MACROD1: variants seen among roughly 807,000 people sequenced by gnomAD.
MACROD1 encodes mono-ADP ribosylhydrolase 1, also known as ADP-ribose glycohydrolase MACROD1.
In MACROD1, 31 loss-of-function variants were observed where a neutral mutation model predicts 41.4. The ratio of observed to expected loss-of-function variants is 0.75; its 90% CI spans 0.56 to 1.01. MACROD1 has a LOEUF of 1.01. Among genes scored for constraint, MACROD1 ranks in the 50% least tolerant of loss-of-function variants. The probability of loss-of-function intolerance (pLI) is 0.00; values close to 1 mark genes in which losing one functional copy is unlikely to be tolerated. For missense variants in MACROD1, 473 were observed against 460.0 expected, an observed-to-expected ratio of 1.03 and a Z score of -0.26; for synonymous variants, 252 against 203.4, an observed-to-expected ratio of 1.24 and a Z score of -2.03.
chr11:64,010,853 TGTTG>T (rs1180159497), intron 4 of MACROD1, among the ~76,000 whole-genome samples: 1 of 137,462 alleles, frequency 7.3e-6, no homozygotes, highest in African/African-American at 3.0e-5. Flanking sequence ...TTGGCTGGAG[TGTTG>T]GTTGGGGTGT....
At chr11:64,095,189 C>T (rs1199105487) in intron 3 of MACROD1, among the ~76,000 whole-genome samples, 1 of 152,216 alleles carries the variant, frequency 6.6e-6, no homozygotes, top group South Asian at 2.1e-4. Context: ...GGCTTGCTTG[C>T]TTTATTTATT....
intron 1 of MACROD1, among the ~76,000 whole-genome samples, chr11:64,158,807 T>G (rs558773403): frequency 2.0e-5 from 3 of 152,098 alleles, no homozygotes; most frequent in Non-Finnish European, 4.4e-5. Flanking sequence ...CCAACTGCCT[T>G]TACAGTGAGG....
At chr11:64,105,941 A>C (rs1944755347) in intron 3 of MACROD1, among the ~76,000 whole-genome samples, 1 of 95,656 alleles carries the variant, frequency 1.0e-5, no homozygotes, top group East Asian at 3.5e-4. Flanking sequence ...CAGGGTCCTG[A>C]GTGGTGGGTT....
chr11:64,074,294 C>T (rs1944162199), intron 3 of MACROD1, among the ~76,000 whole-genome samples: 2 of 152,194 alleles, frequency 1.3e-5, no homozygotes, highest in Non-Finnish European at 2.9e-5. Flanking sequence ...GTTTCCCCAC[C>T]TTTCCTAGCT....
chr11:64,143,753 T>TACACACACATACAC (rs1945448556), intron 3 of MACROD1, among the ~76,000 whole-genome samples: 1 of 101,616 alleles, frequency 9.8e-6, no homozygotes, highest in Non-Finnish European at 1.9e-5. Context: ...GACACACACA[T>TACACACACATACAC]ACACACACAC....
chr11:64,118,114 G>A (rs778084691), intron 3 of MACROD1: 1 of 1,612,742 alleles, frequency 6.2e-7, no homozygotes, highest in South Asian at 1.1e-5. Flanking sequence ...GAAATCCGCG[G>A]CCCTGGGCTG....
At chr11:64,110,176 G>A (rs1447482424) in intron 3 of MACROD1, among the ~76,000 whole-genome samples, 5 of 152,134 alleles carry the variant, frequency 3.3e-5, no homozygotes, top group African/African-American at 7.2e-5. Context: ...GAGGCCCGGC[G>A]TGGTGGCTCA....
At chr11:64,001,435 C>G (rs1421333648) in intron 4 of MACROD1, 2 of 702,310 alleles carry the variant, frequency 2.8e-6, no homozygotes, top group African/African-American at 3.5e-5. Flanking sequence ...CAAGAGAGGA[C>G]CATCATTCCC....
chr11:64,156,108 CAAAAAA>C (rs781677528), intron 1 of MACROD1, among the ~76,000 whole-genome samples: 2 of 56,956 alleles, frequency 3.5e-5, no homozygotes, highest in Admixed American at 1.8e-4. Flanking sequence ...AACTCCATCT[CAAAAAA>C]AAAAAAAAAA....
chr11:64,151,176 C>G, intron 3 of MACROD1, 63 bp downstream of exon 3: 2 of 1,424,594 alleles, frequency 1.4e-6, no homozygotes, highest in South Asian at 1.2e-5. Context: ...AGGCCTGGCA[C>G]AGCAGAGCAG....
intron 3 of MACROD1, among the ~76,000 whole-genome samples, chr11:64,128,662 C>T (rs1945221921): frequency 6.6e-6 from 1 of 151,822 alleles, no homozygotes; most frequent in Non-Finnish European, 1.5e-5. Context: ...GCAGCCCCAC[C>T]CTCTGCCCTC....
intron 3 of MACROD1, among the ~76,000 whole-genome samples, chr11:64,131,907 A>G (rs778016870): frequency 1.6e-4 from 24 of 151,618 alleles, no homozygotes; most frequent in Admixed American, 5.2e-4. Context: ...GGAGGGGGGC[A>G]GGGGGAACCG....
At chr11:64,044,230 G>A (rs1462427890) in intron 3 of MACROD1, among the ~76,000 whole-genome samples, 2 of 151,896 alleles carry the variant, frequency 1.3e-5, no homozygotes, top group Admixed American at 1.3e-4. Flanking sequence ...TGTACCTGGT[G>A]GTTGGCAGTT....
intron 3 of MACROD1, among the ~76,000 whole-genome samples, chr11:64,125,627 C>T (rs956822680): frequency 8.5e-5 from 13 of 152,336 alleles, no homozygotes; most frequent in African/African-American, 2.4e-4. Flanking sequence ...GGAAGCACCT[C>T]GCTCCACCCT....
chr11:64,117,344 C>T (rs1213886785), intron 3 of MACROD1: 2 of 1,613,922 alleles, frequency 1.2e-6, no homozygotes. Flanking sequence ...TGTGCCAGGG[C>T]CCTGAGAAGG....
In MACROD1 at chr11:63,999,649, C is replaced by T. The variant is rs754863055; in HGVS notation, c.779G>A (p.Arg260His). Residue 260 changes from arginine (R) to histidine (H), a missense_variant, in exon 6 of 11, where the codon CGC becomes CAC. Coordinates refer to ENST00000255681, the MANE Select transcript of MACROD1 (RefSeq NM_014067.4). Reference protein sequence around the residue: ...SLDLLLEHRLRSVAFPCISTG... With the variant: ...SLDLLLEHRLHSVAFPCISTG... ...CCGCGGGCCGTCCCTCACCACCGAG[C>T]GGAGCCGGTGCTCCAGCAGCAGGTC... The T allele has an allele frequency of 6.2e-7, 1 of 1,609,082 alleles. No individual in the cohort carries two copies. Among genetic ancestry groups the T allele is most frequent in the African/African-American group, 1.3e-5 (1 of 74,864 alleles).
chr11:64,042,063 C>T (rs1215631110), intron 3 of MACROD1, among the ~76,000 whole-genome samples: 3 of 152,210 alleles, frequency 2.0e-5, no homozygotes, highest in Admixed American at 6.5e-5. Context: ...TGGGCCAGGC[C>T]TGGAGCTGGC....
At chr11:64,028,968 C>T (rs1016646106) in intron 3 of MACROD1, among the ~76,000 whole-genome samples, 1 of 152,200 alleles carries the variant, frequency 6.6e-6, no homozygotes, top group African/African-American at 2.4e-5. Context: ...CCATCTGTTT[C>T]CGCAACCCCA....
At chr11:64,086,575 C>T (rs138161439) in intron 3 of MACROD1, among the ~76,000 whole-genome samples, 198 of 152,260 alleles carry the variant, frequency 1.3e-3, no homozygotes, top group South Asian at 6.0e-3. Flanking sequence ...CTCCTGCCTC[C>T]GGGCCTTTGC....
Sources: allele counts gnomAD v4.1 joint callset (sites outside exome capture counted in the v4.1 genomes callset), GRCh38; gene constraint gnomAD v4.1.1; transcripts MANE v1.5; gene names NCBI Gene and HGNC (gene_info 2026-07-23, HGNC 2026-07-21).